CNOT1: variants seen among roughly 807,000 people sequenced by gnomAD.
CNOT1 encodes the protein CCR4-associated factor 1.
A neutral mutation model predicts 273.8 loss-of-function variants in CNOT1; 15 were observed. That is an observed-to-expected ratio of 0.05 (90% CI 0.04 to 0.08). The LOEUF (loss-of-function observed/expected upper bound fraction) is 0.08, where lower values mean the gene tolerates loss of function less well. Among genes scored for constraint, CNOT1 ranks in the 10% least tolerant of loss-of-function variants. The probability of loss-of-function intolerance (pLI) is 1.00; values close to 1 mark genes in which losing one functional copy is unlikely to be tolerated. For missense variants in CNOT1, 1,644 were observed against 2,912.2 expected, an observed-to-expected ratio of 0.56 and a Z score of 10.02; for synonymous variants, 1,022 against 1,005.5, an observed-to-expected ratio of 1.02 and a Z score of -0.31.
chr16:58,533,417 A>G (rs555557166), intron 40 of CNOT1, among the ~76,000 whole-genome samples: 43 of 152,112 alleles, frequency 2.8e-4, no homozygotes, highest in Non-Finnish European at 5.7e-4. Flanking sequence ...CAGGCGGATC[A>G]CAAGGTTGGG....
intron 1 of CNOT1, among the ~76,000 whole-genome samples, chr16:58,619,136 G>A (rs1339843725): frequency 6.6e-6 from 1 of 152,062 alleles, no homozygotes; most frequent in African/African-American, 2.4e-5. Flanking sequence ...AGGAGGTCAT[G>A]GTTGCAGTGA....
intron 13 of CNOT1, among the ~76,000 whole-genome samples, 160 bp downstream of exon 13, chr16:58,578,539 A>G (rs1045478993): frequency 2.6e-5 from 4 of 151,992 alleles, no homozygotes; most frequent in Non-Finnish European, 4.4e-5. Context: ...TATTGCTCAC[A>G]TGATTCTAAA....
At chr16:58,601,734 TAAAAAAAAAAA>T (rs66711143) in intron 1 of CNOT1, among the ~76,000 whole-genome samples, 12 of 91,514 alleles carry the variant, frequency 1.3e-4, no homozygotes, top group Non-Finnish European at 2.2e-5. Context: ...ATACCCACCT[TAAAAAAAAAAA>T]AAAAAAAAAG....
intron 44 of CNOT1, chr16:58,528,129 T>G (rs1260474357): frequency 1.1e-5 from 5 of 475,826 alleles, no homozygotes; most frequent in Non-Finnish European, 2.1e-5. Flanking sequence ...AGAAAAAGAT[T>G]ACAAAGGTCT....
At chr16:58,590,484 A>G (rs1480037435) in intron 2 of CNOT1, among the ~76,000 whole-genome samples, 2 of 152,210 alleles carry the variant, frequency 1.3e-5, no homozygotes, top group African/African-American at 2.4e-5. Flanking sequence ...ATTTCCAGCT[A>G]CTTGAGAGGC....
chr16:58,609,150 G>T (rs2042797073), intron 1 of CNOT1, among the ~76,000 whole-genome samples: 1 of 152,122 alleles, frequency 6.6e-6, no homozygotes, highest in South Asian at 2.1e-4. Context: ...GAGGCAGGTG[G>T]ATCACGAGGT....
At chr16:58,617,852 A>G (rs1484239170) in intron 1 of CNOT1, among the ~76,000 whole-genome samples, 2 of 152,152 alleles carry the variant, frequency 1.3e-5, no homozygotes, top group African/African-American at 4.8e-5. Context: ...CAACTACAAC[A>G]ATAAAAATTA....
intron 42 of CNOT1, 106 bp from the exon 43 acceptor site, chr16:58,530,453 A>C: frequency 1.4e-6 from 1 of 701,790 alleles, no homozygotes; most frequent in South Asian, 2.3e-5. Flanking sequence ...TGCTAATATA[A>C]GTAGAGAATA....
intron 15 of CNOT1, 79 bp from the exon 16 acceptor site, chr16:58,574,839 A>G (rs1321048240): frequency 1.3e-5 from 21 of 1,565,076 alleles, no homozygotes; most frequent in Middle Eastern, 1.7e-4. Context: ...ACTAAGCACT[A>G]TAACTAAAAT....
chr16:58,610,857 C>A, intron 1 of CNOT1, among the ~76,000 whole-genome samples: 1 of 150,544 alleles, frequency 6.6e-6, no homozygotes, highest in African/African-American at 2.4e-5. Context: ...AAACATAAAA[C>A]AAACAAAACA....
At chr16:58,618,301 T>C (rs2043167966) in intron 1 of CNOT1, among the ~76,000 whole-genome samples, 1 of 151,864 alleles carries the variant, frequency 6.6e-6, no homozygotes, top group Admixed American at 6.6e-5. Context: ...AAAAAGAGTT[T>C]GGCCGGGCAC....
At chr16:58,532,562 T>C in intron 40 of CNOT1, 167 bp from the exon 41 acceptor site, 1 of 1,218,364 alleles carries the variant, frequency 8.2e-7, no homozygotes, top group Non-Finnish European at 1.1e-6. Context: ...CATAAATTGG[T>C]CTGACTCCGC....
chr16:58,618,743 A>G (rs1399724476), intron 1 of CNOT1, among the ~76,000 whole-genome samples: 1 of 152,164 alleles, frequency 6.6e-6, no homozygotes, highest in Non-Finnish European at 1.5e-5. Flanking sequence ...GCAACCTCAA[A>G]CGGCACATTA....
At chr16:58,525,665 A>C (rs2039559544) in intron 45 of CNOT1, among the ~76,000 whole-genome samples, 1 of 152,248 alleles carries the variant, frequency 6.6e-6, no homozygotes, top group African/African-American at 2.4e-5. Context: ...GTTGCATGGC[A>C]TATACAGACT....
At position 58,549,770 on chromosome 16, in the gene CNOT1, C is replaced by T. The variant is rs765912459; in HGVS notation, c.3471G>A (p.Lys1157=). The change falls in exon 25 of 49, where the codon AAG becomes AAA. Residue 1157 remains lysine, a synonymous_variant. Transcript: ENST00000317147. ...SLYSNFLDTL[K]NPEFNKMVLN... The stretch of plus-strand genomic sequence containing the variant: ...GAACCATCTTGTTAAATTCAGGATT[C>T]TTCAGCGTGTCAAGGAAGTTTGAAT... The T allele has an allele frequency of 6.2e-7, 1 of 1,613,838 alleles. No individual in the cohort carries two copies. Among genetic ancestry groups the T allele is most frequent in the Admixed American group, 1.7e-5 (1 of 59,912 alleles).
At chr16:58,541,281 C>T (rs774665913) in intron 34 of CNOT1, among the ~76,000 whole-genome samples, 7 of 152,134 alleles carry the variant, frequency 4.6e-5, no homozygotes, top group Middle Eastern at 6.8e-3. Flanking sequence ...CTAATTAGGC[C>T]GAACATTAAA....
At position 58,530,227 on chromosome 16, in the gene CNOT1, A is replaced by C; in HGVS notation, c.6279+19T>G. 1 of 1,548,332 alleles carries C rather than the reference A, an allele frequency of 6.5e-7. No homozygotes were observed. Among genetic ancestry groups the C allele is most frequent in the South Asian group, 1.2e-5 (1 of 83,772 alleles). ...AAGATCTCAGTTATTTTAATTTATA[A>C]TAAATCCAAGTTAATTACCTTGTAG... is the stretch of plus-strand genomic sequence containing the variant. On this transcript the variant is annotated intron_variant, in intron 43 of 48. Coordinates refer to ENST00000317147, the MANE Select transcript of CNOT1 (RefSeq NM_016284.5).
Position 58,586,531 on chromosome 16 carries a change from A to C in CNOT1, c.637+14T>G, listed in dbSNP as rs200818415. The C allele has an allele frequency of 1.2e-4, 188 of 1,606,796 alleles. 1 individual carries two copies. The African/African-American group carries it at 2.4e-3, about 21-fold the overall frequency. On this transcript the variant is annotated intron_variant, in intron 7 of 48. Coordinates refer to ENST00000317147, the MANE Select transcript of CNOT1 (RefSeq NM_016284.5). ...AAGAAAACCACCCACTGTAGGCTACAAAGACTCCCTTACCTCTGCGCAGCG... is the reference window on the plus strand; with the variant it reads ...AAGAAAACCACCCACTGTAGGCTACCAAGACTCCCTTACCTCTGCGCAGCG...
intron 10 of CNOT1, among the ~76,000 whole-genome samples, chr16:58,582,269 C>T (rs947854324): frequency 6.6e-6 from 1 of 152,008 alleles, no homozygotes; most frequent in Non-Finnish European, 1.5e-5. Flanking sequence ...TTCAGCCTGG[C>T]CAACAGAGTG....
Sources: gnomAD v4.1 joint callset for allele counts (sites outside exome capture counted in the v4.1 genomes callset) on GRCh38, gnomAD v4.1.1 for gene constraint, MANE v1.5 for transcripts, NCBI Gene and HGNC (gene_info 2026-07-23, HGNC 2026-07-21) for gene names.